Variants in GORASP2 observed in about 807,000 individuals in gnomAD.
The protein encoded by GORASP2 is Golgi reassembly-stacking protein 2.
A neutral mutation model predicts 45.7 loss-of-function variants in GORASP2; 22 were observed. The ratio of observed to expected loss-of-function variants is 0.48; its 90% CI spans 0.34 to 0.69. The LOEUF (loss-of-function observed/expected upper bound fraction) is 0.69, where lower values mean the gene tolerates loss of function less well. Among genes scored for constraint, GORASP2 ranks in the 30% least tolerant of loss-of-function variants. The probability of loss-of-function intolerance (pLI) is 0.01; values close to 1 mark genes in which losing one functional copy is unlikely to be tolerated. For missense variants in GORASP2, 491 were observed against 562.7 expected (o/e 0.87, Z 1.29); for synonymous variants, 221 against 215.6 (o/e 1.02, Z -0.22).
In GORASP2 at chr2:170,943,174, G is replaced by A. The variant is rs1419118137; in HGVS notation, c.64-5176G>A. 2.0e-5 allele frequency among the ~76,000 whole-genome samples: 3 copies of A among 152,060 alleles called. No homozygotes were observed. The East Asian group carries it at 5.8e-4, about 29-fold the overall frequency. On this transcript the variant is annotated intron_variant, in intron 1 of 9. Transcript: ENST00000234160. ...ATTCTCTTATGTTTTTCTCTACAGC[G>A]TTTATTGTTTTACCCTTGACCTTTT...
At chr2:170,932,370 T>C (rs1049849492) in intron 1 of GORASP2, among the ~76,000 whole-genome samples, 3 of 152,374 alleles carry the variant, frequency 2.0e-5, no homozygotes, top group Non-Finnish European at 4.4e-5. Flanking sequence ...AGTGGCCATC[T>C]GCTTCATGCT....
At chr2:170,938,857 G>T (rs1704013197) in intron 1 of GORASP2, among the ~76,000 whole-genome samples, 1 of 152,160 alleles carries the variant, frequency 6.6e-6, no homozygotes, top group African/African-American at 2.4e-5. Context: ...GCCAGGCATG[G>T]CAGTGGGCGC....
At chr2:170,939,285 T>G (rs1436155087) in intron 1 of GORASP2, among the ~76,000 whole-genome samples, 1 of 152,224 alleles carries the variant, frequency 6.6e-6, no homozygotes, top group Non-Finnish European at 1.5e-5. Context: ...ATGTCAGGGT[T>G]AGTGTCAGGA....
At chr2:170,965,356 G>A (rs938141554) in intron 9 of GORASP2, among the ~76,000 whole-genome samples, 6 of 152,318 alleles carry the variant, frequency 3.9e-5, no homozygotes, top group East Asian at 3.9e-4. Context: ...TGCTGCCTTC[G>A]CAGGAGGGTT....
At chr2:170,929,966 C>T in intron 1 of GORASP2, 1 of 343,290 alleles carries the variant, frequency 2.9e-6, no homozygotes, top group Non-Finnish European at 6.1e-6. Context: ...CTTAAACAGA[C>T]TTGATTTTGA....
intron 8 of GORASP2, 97 bp from the exon 9 acceptor site, chr2:170,962,742 C>G: frequency 1.3e-6 from 1 of 768,424 alleles, no homozygotes; most frequent in East Asian, 2.7e-5. Context: ...CTGGTACTGT[C>G]ACTTAGAAGT....
chr2:170,939,765 C>T (rs972578661), intron 1 of GORASP2, among the ~76,000 whole-genome samples: 1 of 152,184 alleles, frequency 6.6e-6, no homozygotes, highest in African/African-American at 2.4e-5. Flanking sequence ...ATAGCTCCCT[C>T]ACCCTCCTCA....
At chr2:170,936,345 G>A (rs1479027951) in intron 1 of GORASP2, among the ~76,000 whole-genome samples, 1 of 149,272 alleles carries the variant, frequency 6.7e-6, no homozygotes, top group Non-Finnish European at 1.5e-5. Context: ...TTTTATCTCA[G>A]CCTCCTGAGT....
chr2:170,952,326 T>A (rs1435278584), intron 5 of GORASP2, among the ~76,000 whole-genome samples: 1 of 152,220 alleles, frequency 6.6e-6, no homozygotes, highest in Admixed American at 6.5e-5. Context: ...AAGACATTTT[T>A]TCTTTTGATG....
chr2:170,952,741 T>A (rs1394995056), intron 5 of GORASP2, among the ~76,000 whole-genome samples: 1 of 152,190 alleles, frequency 6.6e-6, no homozygotes, highest in East Asian at 1.9e-4. Context: ...TGGAGCACAA[T>A]CATAGTTCAC....
intron 1 of GORASP2, among the ~76,000 whole-genome samples, chr2:170,930,615 A>T (rs1013771522): frequency 7.2e-5 from 11 of 151,944 alleles, no homozygotes; most frequent in Non-Finnish European, 1.6e-4. Context: ...TACACTAAAA[A>T]TCCCTCCTCT....
Position 170,954,669 on chromosome 2 carries a change from T to C in GORASP2, c.586T>C (p.Tyr196His), listed in dbSNP as rs1704381759. Reference sequence around the variant, plus strand: ...TTATAGCCTAGGATGTGGCATTGGATATGGTTATTTGCATCGAATACCTAC... The same window carrying C: ...TTATAGCCTAGGATGTGGCATTGGACATGGTTATTTGCATCGAATACCTAC... ...GEGSLGCGIG[Y>H]GYLHRIPTRP... Residue 196 changes from tyrosine (Y) to histidine (H), a missense_variant, in exon 6 of 10, where the codon TAT (tyrosine) becomes CAT (histidine). Around this residue, in one of 2 missense-constraint regions of GORASP2, gnomAD observed 194 missense variants for 270.4 expected, o/e 0.72. Coordinates refer to ENST00000234160, the MANE Select transcript of GORASP2 (RefSeq NM_015530.5). 1 of 1,613,196 alleles carries C rather than the reference T, an allele frequency of 6.2e-7. No homozygotes were observed. Among genetic ancestry groups the C allele is most frequent in the Non-Finnish European group, 8.5e-7 (1 of 1,179,542 alleles).
chr2:170,951,827 A>C (rs768469554), intron 5 of GORASP2, among the ~76,000 whole-genome samples: 1 of 152,188 alleles, frequency 6.6e-6, no homozygotes, highest in Non-Finnish European at 1.5e-5. Context: ...CAGGCAGGAA[A>C]AGCTTCCGTT....
chr2:170,929,627 T>C (rs1703766341), intron 1 of GORASP2: 5 of 609,660 alleles, frequency 8.2e-6, no homozygotes, highest in Non-Finnish European at 1.5e-5. Flanking sequence ...GAGGACGGGC[T>C]GGAGCTGGAG....
At chr2:170,935,895 A>G (rs1330557804) in intron 1 of GORASP2, among the ~76,000 whole-genome samples, 1 of 152,076 alleles carries the variant, frequency 6.6e-6, no homozygotes, top group African/African-American at 2.4e-5. Context: ...TTTCGTACTT[A>G]TGTGATGAGG....
upstream of GORASP2, chr2:170,929,062 G>T (rs1420286120): frequency 5.5e-6 from 2 of 360,714 alleles, no homozygotes; most frequent in Non-Finnish European, 5.0e-6. Context: ...TCGCGAGCAC[G>T]ACGCGGTGCC....
chr2:170,929,115 G>C (rs113953252), upstream of GORASP2: 5 of 391,364 alleles, frequency 1.3e-5, no homozygotes, highest in Middle Eastern at 6.5e-4. Flanking sequence ...CTCCCGGCCC[G>C]CGAGCGCTCG....
intron 7 of GORASP2, among the ~76,000 whole-genome samples, chr2:170,960,614 A>T (rs1426463478): frequency 1.3e-5 from 2 of 152,222 alleles, no homozygotes; most frequent in Non-Finnish European, 2.9e-5. Flanking sequence ...AAACAAATAT[A>T]AAAAAATTAT....
rs1704688444 is a variant in GORASP2, at chr2:170,966,355, A to C, written c.*225A>C. On this transcript the variant is annotated 3_prime_UTR_variant, in exon 10 of 10. Coordinates refer to ENST00000234160, the MANE Select transcript of GORASP2 (RefSeq NM_015530.5). ...GAAAGCGCTTGTATTTTAAACAACC[A>C]AAAAGAATTGTAAGGGTGGCTTGCT... is the stretch of plus-strand genomic sequence containing the variant. 1 of 567,108 alleles carries C rather than the reference A, an allele frequency of 1.8e-6. No homozygotes were observed. The highest frequency in any genetic ancestry group is 3.2e-5 in the Admixed American group (1 of 31,054). 35.1% of individuals were successfully genotyped at this position (567,108 alleles called of 1,614,324 possible). A position where few individuals can be genotyped will look rare whatever the true frequency, so the allele number is the denominator to read the frequency against.
Sources: gnomAD v4.1 joint callset for allele counts (sites outside exome capture counted in the v4.1 genomes callset) on GRCh38, gnomAD v4.1.1 for gene constraint, gnomAD v4.1.1 regional missense constraint, MANE v1.5 for transcripts, NCBI Gene and HGNC (gene_info 2026-07-23, HGNC 2026-07-21) for gene names.